The following CCDC7 variants were observed in gnomAD, a reference collection of about 807,000 sequenced individuals.
The protein encoded by CCDC7 is coiled-coil domain-containing protein 7.
A neutral mutation model predicts 196.9 loss-of-function variants in CCDC7; 183 were observed. The ratio of observed to expected loss-of-function variants is 0.93; its 90% CI spans 0.82 to 1.05. The LOEUF (loss-of-function observed/expected upper bound fraction) is 1.05. CCDC7 is among the 50% of genes least tolerant of loss of function. CCDC7 has a pLI of 0.00. For missense variants in CCDC7, 1,540 were observed against 1,482.2 expected (o/e 1.04, Z -0.64); for synonymous variants, 525 against 484.6 (o/e 1.08, Z -1.10).
chr10:32,761,642 T>C lies in CCDC7; in HGVS notation c.2906-17335T>C, dbSNP rs75203513. Among the ~76,000 whole-genome samples the C allele has an allele frequency of 4.4e-3, 672 of 152,118 alleles. 2 individuals carry two copies. Among genetic ancestry groups the C allele is most frequent in the Middle Eastern group, 6.8e-3 (2 of 294 alleles). On this transcript the variant is annotated intron_variant, in intron 28 of 41. Coordinates refer to ENST00000639629, the Ensembl canonical transcript of CCDC7. ...GCTATAGCTACAAATTGCTGAAAAC[T>C]AGCTCAGATTGCTGAAAACCATATC...
At chr10:32,681,575 C>G (rs1465458031) in intron 21 of CCDC7, among the ~76,000 whole-genome samples, 1 of 152,112 alleles carries the variant, frequency 6.6e-6, no homozygotes, top group African/African-American at 2.4e-5. Context: ...GCGACTACCT[C>G]CTATGCCTGC....
At chr10:32,478,514 A>C (rs1255765877) in intron 8 of CCDC7, among the ~76,000 whole-genome samples, 2 of 152,126 alleles carry the variant, frequency 1.3e-5, no homozygotes, top group Admixed American at 6.5e-5. Context: ...GAGTTTTTTA[A>C]AATTATGAGT....
chr10:32,873,106 TCTC>T (rs1222573128), intron 41 of CCDC7, among the ~76,000 whole-genome samples: 2 of 152,150 alleles, frequency 1.3e-5, no homozygotes, highest in Non-Finnish European at 2.9e-5. Flanking sequence ...TTAGGGAAGT[TCTC>T]CTGGATAATA....
chr10:32,576,714 C>G (rs2137258874), intron 16 of CCDC7, among the ~76,000 whole-genome samples: 2 of 151,992 alleles, frequency 1.3e-5, no homozygotes, highest in Non-Finnish European at 2.9e-5. Context: ...CCATGCCCAG[C>G]CAATTGTTTT....
rs1487555241 is a variant in CCDC7 at position 32,553,586 on chromosome 10, A to G, written c.1134+9285A>G. Among the ~76,000 whole-genome samples, 3 of 151,930 alleles carry G rather than the reference A, an allele frequency of 2.0e-5. No homozygotes were observed. In the East Asian group the frequency reaches 5.8e-4, roughly 29 times the overall value. ...GTCTAGGGCTGAAGGCTGTTGTTCA[A>G]ATTCTTTTGTCCCATGGGGTGTTCC... On this transcript the variant is annotated intron_variant, in intron 13 of 41. Coordinates refer to ENST00000639629, the Ensembl canonical transcript of CCDC7.
chr10:32,561,563 C>T (rs1461582668), intron 13 of CCDC7, among the ~76,000 whole-genome samples: 12 of 152,198 alleles, frequency 7.9e-5, no homozygotes, highest in Admixed American at 2.6e-4. Flanking sequence ...GGGTACATAA[C>T]GAAATGAAGG....
At chr10:32,717,825 C>G (rs2081842908) in intron 25 of CCDC7, among the ~76,000 whole-genome samples, 1 of 148,840 alleles carries the variant, frequency 6.7e-6, no homozygotes, top group African/African-American at 2.5e-5. Context: ...AAGACTAAAC[C>G]AGGAAGAAGT....
chr10:32,522,873 C>T (rs1589487607), intron 11 of CCDC7, among the ~76,000 whole-genome samples: 2 of 151,918 alleles, frequency 1.3e-5, no homozygotes, highest in East Asian at 3.9e-4. Context: ...ATTATTATTT[C>T]TTTCATGAAT....
intron 30 of CCDC7, among the ~76,000 whole-genome samples, chr10:32,814,146 C>T (rs193129043): frequency 2.0e-5 from 3 of 151,980 alleles, no homozygotes; most frequent in Admixed American, 6.5e-5. Context: ...TTAGTAGAGA[C>T]GGGGTTTCAC....
At chr10:32,641,940 A>G (rs924961527) in intron 20 of CCDC7, among the ~76,000 whole-genome samples, 1 of 152,176 alleles carries the variant, frequency 6.6e-6, no homozygotes, top group African/African-American at 2.4e-5. Context: ...TTGCCTGGGT[A>G]TCAGCAGCAG....
intron 29 of CCDC7, among the ~76,000 whole-genome samples, chr10:32,793,871 CTG>C (rs2083118820): frequency 6.6e-6 from 1 of 152,142 alleles, no homozygotes; most frequent in Non-Finnish European, 1.5e-5. Flanking sequence ...CTGACAAAAA[CTG>C]AGTATTCTAC....
exon 24 of CCDC7, chr10:32,694,923 G>A: frequency 3.7e-6 from 6 of 1,604,874 alleles, no homozygotes; most frequent in South Asian, 1.1e-5. Context: ...TGAACATCAA[G>A]ATTCAGTGTC....
At chr10:32,859,095 C>T (rs1285227905) in intron 41 of CCDC7, among the ~76,000 whole-genome samples, 4 of 152,112 alleles carry the variant, frequency 2.6e-5, no homozygotes, top group Non-Finnish European at 5.9e-5. Context: ...AACTCTCCAC[C>T]CCAAATCAAC....
At chr10:32,563,499 A>G (rs1381882212) in intron 13 of CCDC7, among the ~76,000 whole-genome samples, 15 of 152,194 alleles carry the variant, frequency 9.9e-5, no homozygotes, top group Non-Finnish European at 1.9e-4. Flanking sequence ...AATGCCACAT[A>G]TCTACAACTA....
intron 13 of CCDC7, among the ~76,000 whole-genome samples, chr10:32,558,884 C>T (rs1018019373): frequency 2.4e-4 from 37 of 152,180 alleles, no homozygotes; most frequent in African/African-American, 4.6e-4. Context: ...ACTCGGGAAG[C>T]GCAAGGGGTC....
Position 32,464,680 on chromosome 10 carries a change from G to A in CCDC7, c.510+1631G>A, listed in dbSNP as rs143356128. Among the ~76,000 whole-genome samples the A allele has an allele frequency of 1.9e-3, 295 of 152,026 alleles. 3 individuals are homozygous for A. Among genetic ancestry groups the A allele is most frequent in the African/African-American group, 6.8e-3 (282 of 41,494 alleles). On this transcript the variant is annotated intron_variant, in intron 5 of 41. Transcript: ENST00000639629. ...ATGAGCCACCATGCCTGGCTAATTGGTATTTTTTTTAGTAGAGATGGGGTT... is the reference window on the plus strand; with the variant it reads ...ATGAGCCACCATGCCTGGCTAATTGATATTTTTTTTAGTAGAGATGGGGTT...
intron 29 of CCDC7, among the ~76,000 whole-genome samples, chr10:32,797,722 T>C (rs1199323885): frequency 7.0e-6 from 1 of 143,516 alleles, no homozygotes; most frequent in Non-Finnish European, 1.6e-5. Flanking sequence ...TGCTAGTGGG[T>C]CATTAGGGGT....
chr10:32,510,711 A>G (rs1484888502), intron 9 of CCDC7, among the ~76,000 whole-genome samples: 1 of 152,112 alleles, frequency 6.6e-6, no homozygotes, highest in African/African-American at 2.4e-5. Flanking sequence ...TTTCCCATCT[A>G]AAGTTAATGA....
At chr10:32,592,780 G>T (rs1263587058) in intron 18 of CCDC7, among the ~76,000 whole-genome samples, 1 of 152,048 alleles carries the variant, frequency 6.6e-6, no homozygotes, top group Non-Finnish European at 1.5e-5. Context: ...GTTCCCACCT[G>T]TGAGTGAGAA....
Sources: allele counts gnomAD v4.1 joint callset (sites outside exome capture counted in the v4.1 genomes callset), GRCh38; gene constraint gnomAD v4.1.1; transcripts MANE v1.5; gene names NCBI Gene and HGNC (gene_info 2026-07-23, HGNC 2026-07-21).